The following CORIN variants were observed in gnomAD, a reference collection of about 807,000 sequenced individuals.
CORIN encodes the protein corin, serine peptidase.
CORIN carries 117 observed loss-of-function variants against 125.3 expected under a neutral mutation model. The observed-to-expected ratio is 0.93, with a 90% CI of 0.80 to 1.09. The LOEUF is 1.09. Ranked by LOEUF, CORIN falls within the 50% of genes least tolerant of loss-of-function variation. CORIN has a pLI of 0.00. For synonymous variants in CORIN, 450 were observed against 466.4 expected (o/e 0.96, Z 0.45); for missense variants, 1,253 against 1,306.7 (o/e 0.96, Z 0.63).
rs149823654 is a variant in CORIN, at chr4:47,607,957, A to G, written c.2541-4289T>C. 5.6e-3 allele frequency among the ~76,000 whole-genome samples: 442 copies of G among 79,412 alleles called. 5 individuals are homozygous for G. The highest frequency in any genetic ancestry group is 0.026 in the African/African-American group (405 of 15,584). The allele number at this position is 79,412 out of a possible 152,430, so 52.1% of individuals were successfully genotyped here. A position where few individuals can be genotyped will look rare whatever the true frequency, so the allele number is the denominator to read the frequency against. ...GCTAGACTCCATCTCAAAAAAAAGA[A>G]AAAAAAAAAAAGTACCATTGGAGAA... On this transcript the variant is annotated intron_variant, in intron 19 of 21. Transcript: ENST00000273857.
Position 47,726,117 on chromosome 4 carries a change from G to T in CORIN, c.799+18285C>A, listed in dbSNP as rs552088964. On this transcript the variant is annotated intron_variant, in intron 5 of 21. Coordinates refer to ENST00000273857, the MANE Select transcript of CORIN (RefSeq NM_006587.4). ...CAATCTGACAATACCAAGTACTGGT[G>T]AAGATGTGAAGCAACTGGAAGTTGC... Among the ~76,000 whole-genome samples the T allele has an allele frequency of 3.9e-5, 6 of 152,206 alleles. No homozygotes were observed. In the East Asian group the frequency reaches 9.6e-4, roughly 24 times the overall value.
intron 2 of CORIN, among the ~76,000 whole-genome samples, chr4:47,789,591 T>C (rs1730973444): frequency 6.6e-6 from 1 of 152,208 alleles, no homozygotes; most frequent in Non-Finnish European, 1.5e-5. Context: ...CTGAACTCAC[T>C]GGACAACTTG....
At chr4:47,612,957 A>G (rs1721926842) in intron 19 of CORIN, among the ~76,000 whole-genome samples, 1 of 152,252 alleles carries the variant, frequency 6.6e-6, no homozygotes. Flanking sequence ...GTTTAGTCAC[A>G]TGCATATTCT....
At chr4:47,743,891 A>G (rs1728535164) in intron 5 of CORIN, among the ~76,000 whole-genome samples, 1 of 152,174 alleles carries the variant, frequency 6.6e-6, no homozygotes, top group African/African-American at 2.4e-5. Context: ...TCTCCAGAAA[A>G]AAAAAAAAAG....
chr4:47,743,328 C>T lies in CORIN; in HGVS notation c.799+1074G>A, dbSNP rs185917047. On this transcript the variant is annotated intron_variant, in intron 5 of 21. Transcript: ENST00000273857. Reference sequence around the variant, plus strand: ...ATGAGATCTTTGCAATACATATATCCAACAGATGACTTGTATCCAGAATTC... The same window carrying T: ...ATGAGATCTTTGCAATACATATATCTAACAGATGACTTGTATCCAGAATTC... Among the ~76,000 whole-genome samples, 649 of 152,208 alleles carry T rather than the reference C, an allele frequency of 4.3e-3. 7 individuals are homozygous for T. The highest frequency in any genetic ancestry group is 0.017 in the Middle Eastern group (5 of 294).
rs535929193 is a variant in CORIN, at chr4:47,730,228, A to G, written c.799+14174T>C. On this transcript the variant is annotated intron_variant, in intron 5 of 21. Transcript: ENST00000273857. ...GGTGGCTCACGCCTGTAATCCCAGCACTTTGGGAGGCTGAGGCAGGCGGAT... is the reference window on the plus strand; with the variant it reads ...GGTGGCTCACGCCTGTAATCCCAGCGCTTTGGGAGGCTGAGGCAGGCGGAT... Among the ~76,000 whole-genome samples the G allele has an allele frequency of 2.8e-4, 43 of 152,166 alleles. No individual in the cohort carries two copies. In the East Asian group the frequency reaches 7.4e-3, roughly 26 times the overall value.
chr4:47,814,660 C>A (rs938248840), intron 1 of CORIN, among the ~76,000 whole-genome samples: 1 of 152,116 alleles, frequency 6.6e-6, no homozygotes, highest in African/African-American at 2.4e-5. Context: ...ATCATCATGT[C>A]TTTTGGTGTG....
chr4:47,730,472 CAA>C (rs71199996), intron 5 of CORIN, among the ~76,000 whole-genome samples: 43 of 66,020 alleles, frequency 6.5e-4, no homozygotes, highest in Middle Eastern at 8.1e-3. Context: ...GACTCCATCT[CAA>C]AAAAAAAAAA....
chr4:47,777,149 A>C (rs939770016), intron 3 of CORIN, among the ~76,000 whole-genome samples: 1 of 152,210 alleles, frequency 6.6e-6, no homozygotes, highest in Admixed American at 6.5e-5. Context: ...TTTATAGTCC[A>C]TAGAGCCAAA....
At chr4:47,649,892 A>G (rs923876482) in intron 13 of CORIN, among the ~76,000 whole-genome samples, 2 of 152,234 alleles carry the variant, frequency 1.3e-5, no homozygotes, top group Non-Finnish European at 2.9e-5. Flanking sequence ...CTCTTCTGCT[A>G]GCTACAGAGC....
chr4:47,811,169 C>A (rs1377238377), intron 1 of CORIN, among the ~76,000 whole-genome samples: 1 of 152,146 alleles, frequency 6.6e-6, no homozygotes, highest in Admixed American at 6.5e-5. Context: ...GTTCTCCACA[C>A]TATAGCCAGA....
intron 5 of CORIN, among the ~76,000 whole-genome samples, chr4:47,704,838 G>T (rs1374143166): frequency 6.6e-6 from 1 of 152,022 alleles, no homozygotes; most frequent in Non-Finnish European, 1.5e-5. Flanking sequence ...CTGAGAGAAG[G>T]TTCATTTTTT....
chr4:47,706,539 G>A, intron 5 of CORIN: 9 of 1,611,096 alleles, frequency 5.6e-6, no homozygotes, highest in Non-Finnish European at 7.6e-6. Flanking sequence ...ACAAGGCCAA[G>A]CAAGGTTACG....
chr4:47,820,753 A>G (rs1234252619), intron 1 of CORIN, among the ~76,000 whole-genome samples: 2 of 152,184 alleles, frequency 1.3e-5, no homozygotes, highest in African/African-American at 4.8e-5. Context: ...AGAGGTAGAA[A>G]TAGAATATAG....
chr4:47,725,863 C>T (rs1164729180), intron 5 of CORIN, among the ~76,000 whole-genome samples: 1 of 151,734 alleles, frequency 6.6e-6, no homozygotes, highest in South Asian at 2.1e-4. Context: ...AGACTTGTAC[C>T]CAGAATATAT....
intron 5 of CORIN, among the ~76,000 whole-genome samples, chr4:47,738,995 A>G (rs969787034): frequency 3.9e-5 from 6 of 151,968 alleles, no homozygotes; most frequent in African/African-American, 1.4e-4. Flanking sequence ...ACTTTAAGAT[A>G]AGTAAGCTGA....
chr4:47,692,022 T>C (rs1725795329), intron 6 of CORIN, among the ~76,000 whole-genome samples: 2 of 151,094 alleles, frequency 1.3e-5, no homozygotes, highest in African/African-American at 4.9e-5. Context: ...GCTGTTTATA[T>C]AACCCTTAAA....
Position 47,721,210 on chromosome 4 carries a change from A to C in CORIN, c.799+23192T>G, listed in dbSNP as rs1727333899. Among the ~76,000 whole-genome samples, 3 of 150,996 alleles carry C rather than the reference A, an allele frequency of 2.0e-5. No individual in the cohort carries two copies. The South Asian group carries it at 6.3e-4, about 32-fold the overall frequency. Reference sequence around the variant, plus strand: ...AGCACACAAGAGCGCTCTATCTCTTACTCTTCTTCTAGGAGCACTTCTAAT... The same window carrying C: ...AGCACACAAGAGCGCTCTATCTCTTCCTCTTCTTCTAGGAGCACTTCTAAT... On this transcript the variant is annotated intron_variant, in intron 5 of 21. Coordinates refer to ENST00000273857, the MANE Select transcript of CORIN (RefSeq NM_006587.4).
At chr4:47,659,898 G>A (rs997229354) in intron 12 of CORIN, among the ~76,000 whole-genome samples, 4 of 152,068 alleles carry the variant, frequency 2.6e-5, no homozygotes, top group African/African-American at 9.7e-5. Context: ...AAGCTATCCC[G>A]AGCAAAAAGA....
Sources: allele counts gnomAD v4.1 joint callset (sites outside exome capture counted in the v4.1 genomes callset), GRCh38; gene constraint gnomAD v4.1.1; transcripts MANE v1.5; gene names NCBI Gene and HGNC (gene_info 2026-07-23, HGNC 2026-07-21).